CDC42SE2: variants seen among roughly 807,000 people sequenced by gnomAD.
CDC42SE2 encodes CDC42 small effector 2.
Under a neutral mutation model 11.5 loss-of-function variants are expected in CDC42SE2, and 3 were observed. The observed-to-expected ratio is 0.26, with a 90% CI of 0.12 to 0.67. CDC42SE2 has a LOEUF of 0.67. CDC42SE2 is among the 30% of genes least tolerant of loss of function. CDC42SE2 has a pLI of 0.80. For synonymous variants in CDC42SE2, 33 were observed against 34.8 expected (o/e 0.95, Z 0.18); for missense variants, 82 against 106.8 (o/e 0.77, Z 1.02).
the CDC42SE2 span, among the ~76,000 whole-genome samples, chr5:131,224,411 A>C: frequency 5.3e-5 from 8 of 152,118 alleles, no homozygotes; most frequent in African/African-American, 2.4e-5. Context: ...CTCAGGTCAA[A>C]AGTCTTAGAG....
intron 2 of CDC42SE2, among the ~76,000 whole-genome samples, chr5:131,333,824 A>T (rs938705997): frequency 6.6e-6 from 1 of 152,164 alleles, no homozygotes; most frequent in Non-Finnish European, 1.5e-5. Context: ...GTATCGTGAG[A>T]CTTTGCTGAA....
chr5:131,237,722 G>A, the CDC42SE2 span, among the ~76,000 whole-genome samples: 9 of 152,198 alleles, frequency 5.9e-5, no homozygotes, highest in African/African-American at 2.2e-4. Flanking sequence ...GGACTATGTA[G>A]GATTGTAGGC....
intron 1 of CDC42SE2, among the ~76,000 whole-genome samples, chr5:131,276,634 C>T (rs190166176): frequency 6.6e-5 from 10 of 152,012 alleles, no homozygotes; most frequent in African/African-American, 1.7e-4. Context: ...ACTTTCATAT[C>T]GCCACAATGT....
intron 4 of CDC42SE2, 22 bp from the exon 5 acceptor site, chr5:131,390,971 T>A (rs756172377): frequency 6.4e-7 from 1 of 1,550,476 alleles, no homozygotes; most frequent in East Asian, 2.3e-5. Flanking sequence ...TTTTGTTTTG[T>A]TGTATTTTTG....
the CDC42SE2 span, among the ~76,000 whole-genome samples, chr5:131,232,697 G>A: frequency 3.2e-3 from 417 of 129,072 alleles, 2 homozygotes; most frequent in African/African-American, 0.012. Flanking sequence ...TCATGCCACT[G>A]CACTCCAGCC....
At chr5:131,263,355 G>T (rs958916297), upstream of CDC42SE2, among the ~76,000 whole-genome samples, 2 of 152,100 alleles carry the variant, frequency 1.3e-5, no homozygotes, top group Non-Finnish European at 2.9e-5. Flanking sequence ...TTGAACTTAC[G>T]ATAAAGTTTT....
At chr5:131,388,221 C>T (rs909114164) in intron 4 of CDC42SE2, among the ~76,000 whole-genome samples, 4 of 152,134 alleles carry the variant, frequency 2.6e-5, no homozygotes, top group African/African-American at 4.8e-5. Context: ...TCTCAAACTC[C>T]GGACCTCCGG....
intron 1 of CDC42SE2, among the ~76,000 whole-genome samples, chr5:131,291,953 A>C (rs1249912401): frequency 6.6e-6 from 1 of 152,014 alleles, no homozygotes; most frequent in African/African-American, 2.4e-5. Flanking sequence ...CTTAAAAATG[A>C]GTATCTTTGG....
chr5:131,290,623 G>A (rs1195177882), intron 1 of CDC42SE2, among the ~76,000 whole-genome samples: 1 of 151,626 alleles, frequency 6.6e-6, no homozygotes, highest in East Asian at 1.9e-4. Flanking sequence ...GAGACTACAG[G>A]CTGGCACCAG....
intron 2 of CDC42SE2, among the ~76,000 whole-genome samples, chr5:131,322,142 G>A (rs950679225): frequency 2.6e-5 from 4 of 152,064 alleles, no homozygotes; most frequent in African/African-American, 7.2e-5. Context: ...GAGCCACCAC[G>A]CCTGGCAGAA....
At chr5:131,301,748 A>T (rs1172050175) in intron 1 of CDC42SE2, among the ~76,000 whole-genome samples, 2 of 148,684 alleles carry the variant, frequency 1.3e-5, no homozygotes, top group Non-Finnish European at 1.5e-5. Context: ...ACAGAGCAAG[A>T]CTCCGTCTCA....
At chr5:131,309,954 T>A (rs1013406080) in intron 1 of CDC42SE2, among the ~76,000 whole-genome samples, 5 of 152,308 alleles carry the variant, frequency 3.3e-5, no homozygotes, top group African/African-American at 9.6e-5. Flanking sequence ...CCTTCAGTTC[T>A]GCTCTGATCT....
At chr5:131,335,837 C>G (rs1758546191) in intron 2 of CDC42SE2, among the ~76,000 whole-genome samples, 1 of 152,226 alleles carries the variant, frequency 6.6e-6, no homozygotes, top group African/African-American at 2.4e-5. Context: ...CTTCCTCCAT[C>G]CCTTTATTTT....
intron 2 of CDC42SE2, among the ~76,000 whole-genome samples, chr5:131,346,783 C>T (rs537157799): frequency 2.0e-5 from 3 of 152,160 alleles, no homozygotes; most frequent in Non-Finnish European, 4.4e-5. Context: ...TGTAAAAGAA[C>T]AGAAATTATA....
the CDC42SE2 span, among the ~76,000 whole-genome samples, chr5:131,233,101 C>T: frequency 6.6e-6 from 1 of 152,010 alleles, no homozygotes; most frequent in African/African-American, 2.4e-5. Flanking sequence ...CAAACACATA[C>T]GGGTCTGTAT....
chr5:131,349,212 G>T (rs764608058), intron 2 of CDC42SE2, among the ~76,000 whole-genome samples: 3 of 151,964 alleles, frequency 2.0e-5, no homozygotes, highest in Non-Finnish European at 4.4e-5. Context: ...GATGAAGCTG[G>T]AAACCATCAT....
intron 3 of CDC42SE2, among the ~76,000 whole-genome samples, chr5:131,361,913 C>T (rs1470945943): frequency 3.3e-5 from 5 of 152,078 alleles, no homozygotes; most frequent in Admixed American, 1.3e-4. Context: ...ACCGTCTAAC[C>T]GCTTGTGTCT....
At chr5:131,369,726 A>G (rs1248800571) in intron 3 of CDC42SE2, among the ~76,000 whole-genome samples, 1 of 152,214 alleles carries the variant, frequency 6.6e-6, no homozygotes, top group African/African-American at 2.4e-5. Flanking sequence ...GATTATGCAC[A>G]AATTAGAGAT....
intron 2 of CDC42SE2, among the ~76,000 whole-genome samples, chr5:131,325,203 C>G (rs542564552): frequency 6.6e-6 from 1 of 152,122 alleles, no homozygotes; most frequent in East Asian, 1.9e-4. Flanking sequence ...TTTTGGATTT[C>G]CAGAAGTGAT....
Sources: allele counts gnomAD v4.1 joint callset (sites outside exome capture counted in the v4.1 genomes callset), GRCh38; gene constraint gnomAD v4.1.1; transcripts MANE v1.5; gene names NCBI Gene and HGNC (gene_info 2026-07-23, HGNC 2026-07-21).